The following PCDHGB6 variants were observed in gnomAD, a reference collection of about 807,000 sequenced individuals.
PCDHGB6 encodes protocadherin gamma-B6.
In PCDHGB6, 51 loss-of-function variants were observed where a neutral mutation model predicts 59.1. The observed-to-expected ratio is 0.86, with a 90% CI of 0.69 to 1.09. PCDHGB6 has a LOEUF of 1.09. Ranked by LOEUF, PCDHGB6 falls within the 50% of genes least tolerant of loss-of-function variation. The pLI, the probability that PCDHGB6 is intolerant of heterozygous loss-of-function variation, is 0.00. For missense variants in PCDHGB6, 1,148 were observed against 1,205.1 expected (o/e 0.95, Z 0.70); for synonymous variants, 466 against 495.1 (o/e 0.94, Z 0.78).
In PCDHGB6 at chr5:141,476,240, G is replaced by A. The variant is rs762604058; in HGVS notation, c.2419-18567G>A. On this transcript the variant is annotated intron_variant, in intron 1 of 3. Coordinates refer to ENST00000520790, the MANE Select transcript of PCDHGB6 (RefSeq NM_018926.3). This position sits in a 1 kb window ranked among gnomAD's most constrained non-coding sequence, Gnocchi z 7.6. ...TCACTATGAGATCCCGGAGGAAAGAGAGAAGGGTTTCGCTGTGGGCAACGT... is the reference window on the plus strand; with the variant it reads ...TCACTATGAGATCCCGGAGGAAAGAAAGAAGGGTTTCGCTGTGGGCAACGT... The A allele has an allele frequency of 4.3e-6, 7 of 1,613,986 alleles. No individual in the cohort carries two copies. The highest frequency in any genetic ancestry group is 1.7e-6 in the Non-Finnish European group (2 of 1,180,030).
chr5:141,473,925 T>C (rs1338065496), intron 1 of PCDHGB6, among the ~76,000 whole-genome samples: 1 of 152,124 alleles, frequency 6.6e-6, no homozygotes, highest in East Asian at 1.9e-4. Context: ...AACTATGAGC[T>C]GGGTGCAGTA....
chr5:141,487,671 G>A lies in PCDHGB6; in HGVS notation c.2419-7136G>A. The A allele has an allele frequency of 6.2e-7, 1 of 1,612,012 alleles. No homozygotes were observed. The highest frequency in any genetic ancestry group is 8.5e-7 in the Non-Finnish European group (1 of 1,178,932). ...GAGGGTTATTCTGATCCAGGCATAT[G>A]GCTAGGCCATGTCCTAGAGAGTACT... On this transcript the variant is annotated intron_variant, in intron 1 of 3. Transcript: ENST00000520790. This position sits in a 1 kb window ranked among gnomAD's most constrained non-coding sequence, Gnocchi z 5.0.
chr5:141,414,334 A>G, intron 1 of PCDHGB6: 6 of 1,613,782 alleles, frequency 3.7e-6, no homozygotes, highest in Non-Finnish European at 5.1e-6. Flanking sequence ...TGGACAGGTA[A>G]CCTGTTCCAT....
Position 141,409,056 on chromosome 5 carries a change from C to T in PCDHGB6, c.854C>T (p.Ala285Val). The T allele has an allele frequency of 1.2e-6, 2 of 1,613,926 alleles. No individual in the cohort carries two copies. Among genetic ancestry groups the T allele is most frequent in the South Asian group, 1.1e-5 (1 of 91,080 alleles). The part of the protein sequence containing the change: ...AEINYYFRST[A>V]QSTKHMFSLD... Reference sequence around the variant, plus strand: ...ATAAACTACTACTTCCGAAGCACTGCCCAGAGCACAAAACATATGTTCTCA... The same window carrying T: ...ATAAACTACTACTTCCGAAGCACTGTCCAGAGCACAAAACATATGTTCTCA... The change falls in exon 1 of 4, where the codon GCC (alanine) becomes GTC (valine). Residue 285 changes from alanine to valine, a missense_variant. Ala to Val is a moderately conservative substitution (Grantham distance 64). Around this residue, in one of 5 missense-constraint regions of PCDHGB6, gnomAD observed 549 missense variants for 527.5 expected, o/e 1.04. Transcript: ENST00000520790.
chr5:141,428,073 G>A (rs2097106496), intron 1 of PCDHGB6: 1 of 1,609,082 alleles, frequency 6.2e-7, no homozygotes, highest in Admixed American at 1.7e-5. Flanking sequence ...CGCAGATTCG[G>A]GACACAACGC....
chr5:141,428,077 A>G (rs2097107152), intron 1 of PCDHGB6: 4 of 1,609,206 alleles, frequency 2.5e-6, no homozygotes, highest in South Asian at 1.1e-5. Flanking sequence ...GATTCGGGAC[A>G]CAACGCTTGG....
At position 141,511,247 on chromosome 5, in the gene PCDHGB6, C is replaced by A; in HGVS notation, c.*74C>A. The A allele has an allele frequency of 1.3e-6, 2 of 1,577,162 alleles. No individual in the cohort carries two copies. The highest frequency in any genetic ancestry group is 1.7e-6 in the Non-Finnish European group (2 of 1,161,712). On this transcript the variant is annotated 3_prime_UTR_variant, in exon 4 of 4. Transcript: ENST00000520790. Reference sequence around the variant, plus strand: ...CAGCTTCTCCTTACCTGCACCCAGGCCTCAGAGTTTCAGGGCTAACCCCCA... The same window carrying A: ...CAGCTTCTCCTTACCTGCACCCAGGACTCAGAGTTTCAGGGCTAACCCCCA...
At chr5:141,419,116 C>A in intron 1 of PCDHGB6, 2 of 1,613,888 alleles carry the variant, frequency 1.2e-6, no homozygotes. Context: ...CAGAGTACAA[C>A]GTCACCATCG....
Position 141,477,016 on chromosome 5 carries a change from A to G in PCDHGB6, c.2419-17791A>G, listed in dbSNP as rs2099403497. Reference sequence around the variant, plus strand: ...GGCAACTATTCGCCTTAGACCTTGTAACCGGGATGCTGACAATCAAGGGTC... The same window carrying G: ...GGCAACTATTCGCCTTAGACCTTGTGACCGGGATGCTGACAATCAAGGGTC... On this transcript the variant is annotated intron_variant, in intron 1 of 3. Transcript: ENST00000520790. The surrounding 1 kb of genome is among the most constrained non-coding windows in gnomAD (Gnocchi z 4.9). 4.3e-6 allele frequency: 7 copies of G among 1,614,130 alleles called. No homozygotes were observed. The highest frequency in any genetic ancestry group is 5.9e-6 in the Non-Finnish European group (7 of 1,180,050).
At chr5:141,480,285 T>C (rs1369369395) in intron 1 of PCDHGB6, among the ~76,000 whole-genome samples, 1 of 151,924 alleles carries the variant, frequency 6.6e-6, no homozygotes, top group East Asian at 1.9e-4. Flanking sequence ...TGTGTTGGCA[T>C]GCACCTGTGG....
chr5:141,424,082 C>T (rs2096798510), intron 1 of PCDHGB6: 2 of 957,226 alleles, frequency 2.1e-6, no homozygotes, highest in East Asian at 1.1e-4. Flanking sequence ...TTATATTCCA[C>T]CATTATTTGC....
In PCDHGB6 at chr5:141,431,354, G is replaced by T. The variant is rs777198567; in HGVS notation, c.2418+20734G>T. The T allele has an allele frequency of 1.9e-6, 3 of 1,614,036 alleles. No individual in the cohort carries two copies. In the South Asian group the frequency reaches 3.3e-5, roughly 18 times the overall value. ...GTACCCCGAATTGGTGCTGAAACGC[G>T]CCCTGGACCGCGAAGAAAAGGCTGC... On this transcript the variant is annotated intron_variant, in intron 1 of 3. Coordinates refer to ENST00000520790, the MANE Select transcript of PCDHGB6 (RefSeq NM_018926.3). This position sits in a 1 kb window ranked among gnomAD's most constrained non-coding sequence, Gnocchi z 4.8.
intron 1 of PCDHGB6, among the ~76,000 whole-genome samples, chr5:141,436,749 C>T (rs2097844674): frequency 6.6e-6 from 1 of 152,154 alleles, no homozygotes; most frequent in Admixed American, 6.5e-5. Flanking sequence ...TGTGCTTCTC[C>T]ATATGGTATA....
chr5:141,490,215 G>C lies in PCDHGB6; in HGVS notation c.2419-4592G>C. 6.2e-7 allele frequency: 1 copy of C among 1,614,254 alleles called. No individual in the cohort carries two copies. Among genetic ancestry groups the C allele is most frequent in the African/African-American group, 1.3e-5 (1 of 75,078 alleles). On this transcript the variant is annotated intron_variant, in intron 1 of 3. Coordinates refer to ENST00000520790, the MANE Select transcript of PCDHGB6 (RefSeq NM_018926.3). The surrounding 1 kb of genome is among the most constrained non-coding windows in gnomAD (Gnocchi z 5.4). ...AAATTCATGCAAGAGCCCGTGACCA[G>C]GGACAGCCTGCCATGGAGGGCCACT... is the stretch of plus-strand genomic sequence containing the variant.
chr5:141,458,949 T>A (rs948180008), intron 1 of PCDHGB6, among the ~76,000 whole-genome samples: 1 of 151,814 alleles, frequency 6.6e-6, no homozygotes, highest in East Asian at 1.9e-4. Flanking sequence ...CTTAGGTTGG[T>A]CACAAATTCA....
Position 141,477,609 on chromosome 5 carries a change from A to T in PCDHGB6, c.2419-17198A>T, listed in dbSNP as rs775454070. The T allele has an allele frequency of 6.2e-7, 1 of 1,614,192 alleles. No homozygotes were observed. The highest frequency in any genetic ancestry group is 1.1e-5 in the South Asian group (1 of 91,082). ...GCTCGGCTTTCTTTCTTTCTCTTGG[A>T]GCAAGGAGCTGAAACCGGGCTAGTG... On this transcript the variant is annotated intron_variant, in intron 1 of 3. Transcript: ENST00000520790. The surrounding 1 kb of genome is among the most constrained non-coding windows in gnomAD (Gnocchi z 4.9).
intron 1 of PCDHGB6, chr5:141,417,252 G>C (rs2096099745): frequency 6.6e-6 from 1 of 152,148 alleles, no homozygotes; most frequent in Admixed American, 6.5e-5. Context: ...AGTACTTCCA[G>C]CTTCATAGAT....
At chr5:141,430,586 C>G in intron 1 of PCDHGB6, 1 of 517,248 alleles carries the variant, frequency 1.9e-6, no homozygotes, top group Non-Finnish European at 3.1e-6. Context: ...TCCTGCTCGC[C>G]TTGCACGCGC....
Position 141,491,906 on chromosome 5 carries a change from T to A in PCDHGB6, c.2419-2901T>A, listed in dbSNP as rs1490050332. On this transcript the variant is annotated intron_variant, in intron 1 of 3. Transcript: ENST00000520790. The surrounding 1 kb of genome is among the most constrained non-coding windows in gnomAD (Gnocchi z 6.9). ...ATGGGGCTCCGAGCACCGGGGGTGG[T>A]GGCGACTGTGGGCGAGGGGAGGTGG... is the stretch of plus-strand genomic sequence containing the variant. 7.1e-7 allele frequency: 1 copy of A among 1,414,468 alleles called. No individual in the cohort carries two copies. Among genetic ancestry groups the A allele is most frequent in the African/African-American group, 1.4e-5 (1 of 69,002 alleles). 87.6% of individuals were successfully genotyped at this position (1,414,468 alleles called of 1,614,324 possible).
Sources: gnomAD v4.1 joint callset for allele counts (sites outside exome capture counted in the v4.1 genomes callset) on GRCh38, gnomAD v4.1.1 for gene constraint, gnomAD v4.1.1 regional missense constraint, Gnocchi (gnomAD v3.1) non-coding constraint, MANE v1.5 for transcripts, NCBI Gene and HGNC (gene_info 2026-07-23, HGNC 2026-07-21) for gene names.